The following SMIM10L3 variants were observed in gnomAD, a reference collection of about 807,000 sequenced individuals.
The protein encoded by SMIM10L3 is small integral membrane protein 10 like 3.
At chr7:6,337,194 C>G in the SMIM10L3 span, among the ~76,000 whole-genome samples, 2 of 152,118 alleles carry the variant, frequency 1.3e-5, no homozygotes, top group Admixed American at 1.3e-4. Flanking sequence ...GTTTCAGCCT[C>G]CCAAGTAGCT....
the SMIM10L3 span, chr7:6,348,739 C>T: frequency 1.2e-4 from 50 of 411,130 alleles, no homozygotes; most frequent in African/African-American, 8.6e-4. Flanking sequence ...GACAGCCAGG[C>T]CCGACAGAGC....
At chr7:6,330,109 T>C in the SMIM10L3 span, 3 of 449,192 alleles carry the variant, frequency 6.7e-6, no homozygotes, top group Non-Finnish European at 1.2e-5. Context: ...TGTTCTAATC[T>C]GGTATTTATA....
At chr7:6,339,698 C>G in the SMIM10L3 span, among the ~76,000 whole-genome samples, 1 of 151,936 alleles carries the variant, frequency 6.6e-6, no homozygotes, top group Non-Finnish European at 1.5e-5. Context: ...GTCTCGATCT[C>G]CTGACCTCAT....
chr7:6,345,728 T>A, the SMIM10L3 span, among the ~76,000 whole-genome samples: 1 of 152,040 alleles, frequency 6.6e-6, no homozygotes, highest in African/African-American at 2.4e-5. Flanking sequence ...TGTTTTGCCC[T>A]CAAAGTTTCT....
At chr7:6,345,745 A>T in the SMIM10L3 span, among the ~76,000 whole-genome samples, 16 of 151,934 alleles carry the variant, frequency 1.1e-4, no homozygotes, top group Admixed American at 2.0e-4. Context: ...TTCTTTTTTT[A>T]AAATCTGTTT....
chr7:6,330,788 C>T, the SMIM10L3 span: 2 of 1,614,060 alleles, frequency 1.2e-6, no homozygotes, highest in African/African-American at 1.3e-5. Flanking sequence ...CCCAGAGCTT[C>T]AACACCACTG....
chr7:6,340,270 C>A, the SMIM10L3 span, among the ~76,000 whole-genome samples: 1 of 152,158 alleles, frequency 6.6e-6, no homozygotes, highest in Non-Finnish European at 1.5e-5. Flanking sequence ...ATCCTAAGGG[C>A]ATCCCAGCTG....
the SMIM10L3 span, among the ~76,000 whole-genome samples, chr7:6,340,284 T>C: frequency 1.3e-5 from 2 of 152,152 alleles, no homozygotes; most frequent in Non-Finnish European, 2.9e-5. Context: ...CCAGCTGCTG[T>C]CGATCAGAAT....
At chr7:6,344,652 C>T in the SMIM10L3 span, among the ~76,000 whole-genome samples, 1 of 152,010 alleles carries the variant, frequency 6.6e-6, no homozygotes, top group Non-Finnish European at 1.5e-5. Context: ...CTCCTCAGTT[C>T]AAGTGATCCT....
At chr7:6,331,213 C>T in the SMIM10L3 span, 19 of 1,507,360 alleles carry the variant, frequency 1.3e-5, no homozygotes, top group Non-Finnish European at 1.3e-5. Context: ...CTGGGAGGGC[C>T]TTCAATGGAT....
At chr7:6,332,192 C>T in the SMIM10L3 span, among the ~76,000 whole-genome samples, 1 of 151,912 alleles carries the variant, frequency 6.6e-6, no homozygotes, top group African/African-American at 2.4e-5. Flanking sequence ...CTAGTGCATC[C>T]TTCAGGTTAT....
chr7:6,334,086 T>A, the SMIM10L3 span, among the ~76,000 whole-genome samples: 1 of 151,298 alleles, frequency 6.6e-6, no homozygotes, highest in African/African-American at 2.4e-5. Flanking sequence ...GACCTCGTGA[T>A]CCGCCCACCT....
At chr7:6,348,344 G>A in the SMIM10L3 span, among the ~76,000 whole-genome samples, 2 of 152,124 alleles carry the variant, frequency 1.3e-5, no homozygotes, top group Admixed American at 6.6e-5. Flanking sequence ...CCGAGCTGCG[G>A]GACCTTCCCC....
At chr7:6,340,700 C>G in the SMIM10L3 span, among the ~76,000 whole-genome samples, 1 of 151,830 alleles carries the variant, frequency 6.6e-6, no homozygotes, top group Admixed American at 6.6e-5. Context: ...GAGATCGAGA[C>G]CATCCTGGCT....
chr7:6,330,429 C>T, the SMIM10L3 span: 32 of 1,614,138 alleles, frequency 2.0e-5, no homozygotes, highest in East Asian at 7.1e-4. Context: ...CCAGTAACCC[C>T]AGTGTTATCT....
the SMIM10L3 span, chr7:6,330,961 A>T: frequency 1.9e-6 from 3 of 1,614,174 alleles, no homozygotes; most frequent in Non-Finnish European, 2.5e-6. Flanking sequence ...ATCCTTTCTC[A>T]TTTCCAGTGA....
chr7:6,345,022 G>T, the SMIM10L3 span, among the ~76,000 whole-genome samples: 11,850 of 152,112 alleles, frequency 0.078, 1,162 homozygotes, highest in East Asian at 0.51. Flanking sequence ...ATTTACAGGC[G>T]TAAATCCCAC....
chr7:6,342,815 T>C, the SMIM10L3 span, among the ~76,000 whole-genome samples: 1 of 151,950 alleles, frequency 6.6e-6, no homozygotes, highest in Non-Finnish European at 1.5e-5. Flanking sequence ...GGCAGGAGGA[T>C]TAGTTGAGGC....
chr7:6,330,917 C>T, the SMIM10L3 span: 2 of 1,614,184 alleles, frequency 1.2e-6, no homozygotes, highest in East Asian at 2.2e-5. Context: ...AGCACTGGGC[C>T]GCCACTGTGA....
Sources: gnomAD v4.1 joint callset for allele counts (sites outside exome capture counted in the v4.1 genomes callset) on GRCh38, gnomAD v4.1.1 for gene constraint, MANE v1.5 for transcripts, NCBI Gene and HGNC (gene_info 2026-07-23, HGNC 2026-07-21) for gene names.